The following SULF1 variants were observed in gnomAD, a reference collection of about 807,000 sequenced individuals.
SULF1 encodes the protein extracellular sulfatase Sulf-1.
In SULF1, 46 loss-of-function variants were observed where a neutral mutation model predicts 110.5. The observed-to-expected ratio is 0.42, with a 90% confidence interval of 0.33 to 0.53. The LOEUF is 0.53. Ranked by LOEUF, SULF1 falls within the 20% of genes least tolerant of loss-of-function variation. The pLI is 0.12. For synonymous variants in SULF1, 371 were observed against 387.1 expected (o/e 0.96, Z 0.49); for missense variants, 941 against 1,094.2 (o/e 0.86, Z 1.98).
chr8:69,648,351 T>A (rs1483723980), intron 22 of SULF1, among the ~76,000 whole-genome samples: 1 of 152,214 alleles, frequency 6.6e-6, no homozygotes, highest in Non-Finnish European at 1.5e-5. Flanking sequence ...GCTTTATGAT[T>A]TTTCTGATCG....
At chr8:69,603,349 C>A in intron 11 of SULF1, 29 bp downstream of exon 11, 1 of 1,613,590 alleles carries the variant, frequency 6.2e-7, no homozygotes, top group African/African-American at 1.3e-5. Flanking sequence ...TCTCAGCCAG[C>A]CCCAAATACA....
At chr8:69,525,658 T>A (rs529993373) in intron 3 of SULF1, among the ~76,000 whole-genome samples, 1 of 152,346 alleles carries the variant, frequency 6.6e-6, no homozygotes, top group South Asian at 2.1e-4. Flanking sequence ...AGAGTGGATT[T>A]CGTGGACTTC....
At chr8:69,499,054 T>G (rs1451208152) in intron 2 of SULF1, among the ~76,000 whole-genome samples, 1 of 152,124 alleles carries the variant, frequency 6.6e-6, no homozygotes, top group African/African-American at 2.4e-5. Flanking sequence ...AGACAGGGTT[T>G]CACAATGTTG....
intron 5 of SULF1, among the ~76,000 whole-genome samples, chr8:69,567,715 A>AT (rs568763635): frequency 1.3e-5 from 2 of 152,062 alleles, no homozygotes; most frequent in Admixed American, 6.5e-5. Context: ...TATGTACCAC[A>AT]TTTTTTTAAC....
chr8:69,574,749 T>A (rs1161172791), intron 5 of SULF1, among the ~76,000 whole-genome samples: 1 of 152,212 alleles, frequency 6.6e-6, no homozygotes, highest in Non-Finnish European at 1.5e-5. Flanking sequence ...GGTTGCTTGA[T>A]GCCCTGAAGA....
chr8:69,596,791 G>T (rs548224791), intron 8 of SULF1, among the ~76,000 whole-genome samples: 2 of 152,126 alleles, frequency 1.3e-5, no homozygotes, highest in Non-Finnish European at 2.9e-5. Context: ...CAGAGTTGCT[G>T]CAACAATCAA....
chr8:69,527,381 G>A (rs375650264), intron 3 of SULF1, among the ~76,000 whole-genome samples: 28 of 152,068 alleles, frequency 1.8e-4, no homozygotes, highest in Admixed American at 2.6e-4. Flanking sequence ...CAATAGCCAT[G>A]TCATTGGGGG....
Position 69,658,998 on chromosome 8 carries a change from T to A in SULF1, c.*463T>A, listed in dbSNP as rs1190772860. 2 of 457,438 alleles carry A rather than the reference T, an allele frequency of 4.4e-6. No individual in the cohort carries two copies. The highest frequency in any genetic ancestry group is 2.3e-5 in the Admixed American group (1 of 42,602). 28.3% of individuals were successfully genotyped at this position (457,438 alleles called of 1,614,324 possible). ...AAAAATGGACGGGGCATGAAGAGACTAATCATCTGGAAACCGATTTCAGTG... is the reference window on the plus strand; with the variant it reads ...AAAAATGGACGGGGCATGAAGAGACAAATCATCTGGAAACCGATTTCAGTG... On this transcript the variant is annotated 3_prime_UTR_variant, in exon 23 of 23. Coordinates refer to ENST00000402687, the MANE Select transcript of SULF1 (RefSeq NM_001128205.2).
intron 8 of SULF1, among the ~76,000 whole-genome samples, chr8:69,593,155 C>A (rs902851042): frequency 6.6e-6 from 1 of 152,168 alleles, no homozygotes; most frequent in African/African-American, 2.4e-5. Flanking sequence ...GTGAAGGTCT[C>A]CCTGGCTGCT....
At chr8:69,621,292 C>T in intron 14 of SULF1, 41 bp downstream of exon 14, 1 of 1,493,708 alleles carries the variant, frequency 6.7e-7, no homozygotes, top group Admixed American at 1.9e-5. Context: ...GTGGCCTAGG[C>T]CTGTGGGAAT....
upstream of SULF1, among the ~76,000 whole-genome samples, chr8:69,488,219 CA>C (rs532313026): frequency 3.3e-5 from 5 of 149,756 alleles, no homozygotes; most frequent in East Asian, 1.9e-4. Context: ...TTTCTGATGG[CA>C]AAAAAAAAGA....
intron 1 of SULF1, among the ~76,000 whole-genome samples, chr8:69,482,653 CATAAATGACTATGGGTAA>C (rs147477634): frequency 0.026 from 3,941 of 152,120 alleles, 185 homozygotes; most frequent in African/African-American, 0.09. Context: ...AGTCGTTAAC[CATAAATGACTATGGGTAA>C]CTGGTATGTA....
At chr8:69,543,097 C>A (rs1813973255) in intron 3 of SULF1, among the ~76,000 whole-genome samples, 1 of 152,120 alleles carries the variant, frequency 6.6e-6, no homozygotes, top group Non-Finnish European at 1.5e-5. Context: ...CCAATTAATG[C>A]TTCTTATTGA....
At chr8:69,521,841 T>TAA (rs75983618) in intron 3 of SULF1, among the ~76,000 whole-genome samples, 1 of 110,224 alleles carries the variant, frequency 9.1e-6, no homozygotes. Flanking sequence ...TGGGCCAAGG[T>TAA]AAAAAAAAAA....
At chr8:69,550,711 C>G (rs552289385) in intron 3 of SULF1, among the ~76,000 whole-genome samples, 21 of 152,158 alleles carry the variant, frequency 1.4e-4, no homozygotes, top group Non-Finnish European at 2.8e-4. Flanking sequence ...ACTAGGGCTC[C>G]AAAACTGTTT....
intron 13 of SULF1, 37 bp from the exon 14 acceptor site, chr8:69,620,998 C>A (rs1809551460): frequency 6.5e-7 from 1 of 1,538,196 alleles, no homozygotes. Context: ...ACACCTGGAG[C>A]AGAATCGGTA....
In SULF1 at chr8:69,589,327, C is replaced by T. The variant is rs139795822; in HGVS notation, c.734+186C>T. Among the ~76,000 whole-genome samples, 503 of 152,296 alleles carry T rather than the reference C, an allele frequency of 3.3e-3. 3 individuals carry two copies. The highest frequency in any genetic ancestry group is 0.012 in the African/African-American group (488 of 41,564). ...CTGAGCCTGAAAGAAAGCGCCTTAT[C>T]TGGGTGGTTTGAGGAGGAATCAAAT... On this transcript the variant is annotated intron_variant, in intron 8 of 22. Transcript: ENST00000402687.
chr8:69,562,272 G>C (rs920625676), intron 3 of SULF1, among the ~76,000 whole-genome samples: 1 of 152,158 alleles, frequency 6.6e-6, no homozygotes, highest in Non-Finnish European at 1.5e-5. Flanking sequence ...TGTATGGTAG[G>C]GGTAAACAAT....
chr8:69,517,253 A>G (rs191949676), intron 3 of SULF1, among the ~76,000 whole-genome samples: 1 of 152,258 alleles, frequency 6.6e-6, no homozygotes, highest in East Asian at 1.9e-4. Flanking sequence ...ACATTCCCAC[A>G]ATAATGGAAA....
Sources: gnomAD v4.1 joint callset for allele counts (sites outside exome capture counted in the v4.1 genomes callset) on GRCh38, gnomAD v4.1.1 for gene constraint, MANE v1.5 for transcripts, NCBI Gene and HGNC (gene_info 2026-07-23, HGNC 2026-07-21) for gene names.